The following FMNL2 variants were observed in gnomAD, a reference collection of about 807,000 sequenced individuals.
FMNL2 encodes formin like 2.
FMNL2 carries 51 observed loss-of-function variants against 130.2 expected under a neutral mutation model. That is an observed-to-expected ratio of 0.39 (90% CI 0.31 to 0.49). The LOEUF (loss-of-function observed/expected upper bound fraction) is 0.49, where lower values mean the gene tolerates loss of function less well. Ranked by LOEUF, FMNL2 falls within the 20% of genes least tolerant of loss-of-function variation. The pLI is 0.85. For missense variants in FMNL2, 977 were observed against 1,316.2 expected (o/e 0.74, Z 3.99); for synonymous variants, 465 against 467.1 (o/e 1.00, Z 0.06).
chr2:152,428,580 G>A (rs1462148263), intron 1 of FMNL2, among the ~76,000 whole-genome samples: 2 of 152,144 alleles, frequency 1.3e-5, no homozygotes, highest in Non-Finnish European at 2.9e-5. Context: ...ATGGTAGATA[G>A]CCAACTTTTT....
chr2:152,649,308 A>T lies in FMNL2; in HGVS notation c.*1403A>T, dbSNP rs1683875457. On this transcript the variant is annotated 3_prime_UTR_variant, in exon 26 of 26. Transcript: ENST00000288670. Reference sequence around the variant, plus strand: ...TTAATTCCCACCTAAGCCTCTGGGTAATATTGTAAATATTGTTTTAAAATG... The same window carrying T: ...TTAATTCCCACCTAAGCCTCTGGGTTATATTGTAAATATTGTTTTAAAATG... 6.5e-6 allele frequency: 1 copy of T among 152,694 alleles called. No individual in the cohort carries two copies. The highest frequency in any genetic ancestry group is 6.5e-5 in the Admixed American group (1 of 15,292). 9.5% of individuals were successfully genotyped at this position (152,694 alleles called of 1,614,324 possible). A position where few individuals can be genotyped will look rare whatever the true frequency, so the allele number is the denominator to read the frequency against.
chr2:152,618,074 C>A (rs541418636), intron 13 of FMNL2, among the ~76,000 whole-genome samples: 69 of 152,234 alleles, frequency 4.5e-4, no homozygotes, highest in African/African-American at 1.6e-3. Flanking sequence ...GGTGAGAGAT[C>A]GCTTGTACAA....
intron 23 of FMNL2, 28 bp downstream of exon 23, chr2:152,637,702 A>G: frequency 6.3e-7 from 1 of 1,598,802 alleles, no homozygotes; most frequent in Non-Finnish European, 8.6e-7. Flanking sequence ...CCTTGCCCTT[A>G]TTTCTCAAGC....
intron 1 of FMNL2, among the ~76,000 whole-genome samples, chr2:152,442,751 C>T (rs1045004321): frequency 9.2e-5 from 14 of 152,280 alleles, no homozygotes; most frequent in Middle Eastern, 6.8e-3. Flanking sequence ...CCACTGAAGG[C>T]TTTCCAATCA....
At chr2:152,522,697 G>A (rs750689354) in intron 2 of FMNL2, among the ~76,000 whole-genome samples, 38 of 152,192 alleles carry the variant, frequency 2.5e-4, no homozygotes, top group Middle Eastern at 6.8e-3. Flanking sequence ...TTCACCTTCC[G>A]CCATGATTGT....
chr2:152,617,049 A>G, intron 12 of FMNL2, 42 bp from the exon 13 acceptor site: 1 of 1,566,852 alleles, frequency 6.4e-7, no homozygotes. Context: ...GCTGATCAAG[A>G]TGATCCTGTA....
At chr2:152,352,713 C>CTT (rs70974853) in intron 1 of FMNL2, among the ~76,000 whole-genome samples, 3 of 145,916 alleles carry the variant, frequency 2.1e-5, no homozygotes, top group Non-Finnish European at 1.5e-5. Flanking sequence ...GTGATCAAAT[C>CTT]TTTTTTTTTT....
intron 1 of FMNL2, among the ~76,000 whole-genome samples, chr2:152,376,912 A>G (rs1390655426): frequency 6.6e-6 from 1 of 152,244 alleles, no homozygotes; most frequent in Non-Finnish European, 1.5e-5. Context: ...GCATGTGATC[A>G]AGCAAACAAC....
At chr2:152,633,306 G>C (rs1286332880) in intron 21 of FMNL2, among the ~76,000 whole-genome samples, 1 of 151,976 alleles carries the variant, frequency 6.6e-6, no homozygotes, top group Non-Finnish European at 1.5e-5. Flanking sequence ...GTGTTGCCTA[G>C]GCTGGTCTTG....
At chr2:152,558,308 C>A (rs142353614) in intron 4 of FMNL2, among the ~76,000 whole-genome samples, 1 of 152,140 alleles carries the variant, frequency 6.6e-6, no homozygotes. Context: ...AGGACTTGAA[C>A]TTGGATTTGG....
intron 1 of FMNL2, among the ~76,000 whole-genome samples, chr2:152,408,346 A>C (rs1686110523): frequency 1.3e-5 from 2 of 152,320 alleles, no homozygotes. Flanking sequence ...TTCTTAGGAC[A>C]AGTGAGTAAG....
chr2:152,636,390 C>A, intron 21 of FMNL2, 37 bp from the exon 22 acceptor site: 1 of 1,585,210 alleles, frequency 6.3e-7, no homozygotes, highest in Non-Finnish European at 8.6e-7. Context: ...GTGACTTCCC[C>A]ATTGAGTTTC....
chr2:152,560,005 T>G lies in FMNL2; in HGVS notation c.444-878T>G, dbSNP rs192959787. ...ATATTTTATTTTGGCAGTTATACTT[T>G]TATAAAAAGTTACACTTTGATTTCC... is the stretch of plus-strand genomic sequence containing the variant. On this transcript the variant is annotated intron_variant, in intron 5 of 25. Coordinates refer to ENST00000288670, the MANE Select transcript of FMNL2 (RefSeq NM_052905.4). Among the ~76,000 whole-genome samples the G allele has an allele frequency of 4.1e-4, 63 of 152,330 alleles. 1 individual carries two copies. The East Asian group carries it at 0.011, about 26-fold the overall frequency.
At chr2:152,430,312 C>T (rs549103535) in intron 1 of FMNL2, among the ~76,000 whole-genome samples, 1 of 152,310 alleles carries the variant, frequency 6.6e-6, no homozygotes, top group African/African-American at 2.4e-5. Context: ...TGACAGACAG[C>T]AGTGGGTTGC....
chr2:152,624,226 C>T (rs569070951), intron 15 of FMNL2, among the ~76,000 whole-genome samples: 5 of 151,166 alleles, frequency 3.3e-5, no homozygotes, highest in Admixed American at 6.6e-5. Flanking sequence ...GGCGTGATCT[C>T]GGTGCACTGC....
At chr2:152,355,582 G>A (rs1682735770) in intron 1 of FMNL2, among the ~76,000 whole-genome samples, 1 of 152,216 alleles carries the variant, frequency 6.6e-6, no homozygotes, top group Admixed American at 6.5e-5. Flanking sequence ...GAAGTTCAAA[G>A]GAGCAGCAGA....
intron 18 of FMNL2, 110 bp downstream of exon 18, chr2:152,628,643 T>C: frequency 1.1e-6 from 1 of 887,582 alleles, no homozygotes; most frequent in Non-Finnish European, 1.7e-6. Flanking sequence ...AAAGACTCCT[T>C]CCCAGAACTT....
chr2:152,425,084 A>G (rs1412959782), intron 1 of FMNL2, among the ~76,000 whole-genome samples: 2 of 152,200 alleles, frequency 1.3e-5, no homozygotes, highest in Non-Finnish European at 2.9e-5. Flanking sequence ...CAACCTGCTT[A>G]TTTTACATAA....
At chr2:152,389,547 G>A (rs775879920) in intron 1 of FMNL2, among the ~76,000 whole-genome samples, 5 of 152,146 alleles carry the variant, frequency 3.3e-5, no homozygotes, top group African/African-American at 4.8e-5. Context: ...CTTTAACTCC[G>A]AATTCTTATG....
Sources: gnomAD v4.1 joint callset for allele counts (sites outside exome capture counted in the v4.1 genomes callset) on GRCh38, gnomAD v4.1.1 for gene constraint, MANE v1.5 for transcripts, NCBI Gene and HGNC (gene_info 2026-07-23, HGNC 2026-07-21) for gene names.